SLC6A18: variants seen among roughly 807,000 people sequenced by gnomAD.
SLC6A18 encodes the protein solute carrier family 6 member 18.
Under a neutral mutation model 62.9 loss-of-function variants are expected in SLC6A18, and 58 were observed. That is an observed-to-expected ratio of 0.92 (90% confidence interval 0.75 to 1.15). The LOEUF is 1.15. Ranked by LOEUF, SLC6A18 falls within the 50% of genes most tolerant of loss-of-function variation. The probability of loss-of-function intolerance (pLI) is 0.00; values close to 1 mark genes in which losing one functional copy is unlikely to be tolerated. For synonymous variants in SLC6A18, 382 were observed against 365.8 expected (o/e 1.04, Z -0.51); for missense variants, 793 against 836.6 (o/e 0.95, Z 0.64).
intron 6 of SLC6A18, 112 bp downstream of exon 6, chr5:1,239,674 G>A: frequency 1.2e-6 from 1 of 810,726 alleles, no homozygotes. Context: ...GTGAACCTGA[G>A]ATAAGAACCT....
chr5:1,231,144 C>T (rs1416754702), intron 1 of SLC6A18, among the ~76,000 whole-genome samples: 1 of 152,210 alleles, frequency 6.6e-6, no homozygotes, highest in Non-Finnish European at 1.5e-5. Context: ...GGTCTGTGGA[C>T]TCCACGGGAA....
At chr5:1,232,097 G>A in intron 1 of SLC6A18, 122 bp from the exon 2 acceptor site, 1 of 845,452 alleles carries the variant, frequency 1.2e-6, no homozygotes, top group Non-Finnish European at 1.9e-6. Context: ...CCACCCAAGT[G>A]GTGCCCCCAA....
Position 1,232,369 on chromosome 5 carries a change from C to T in SLC6A18, c.301+10C>T, listed in dbSNP as rs545084177. ...TACCTCAGTGGAGTAGGTAGGCCAC[C>T]GTCCTCGCTTGCCCTGACTGAGGCT... is the stretch of plus-strand genomic sequence containing the variant. On this transcript the variant is annotated intron_variant, in intron 2 of 11. Transcript: ENST00000324642. 16 of 1,606,604 alleles carry T rather than the reference C, an allele frequency of 1.0e-5. No individual in the cohort carries two copies. Among genetic ancestry groups the T allele is most frequent in the East Asian group, 6.7e-5 (3 of 44,722 alleles).
intron 11 of SLC6A18, 123 bp downstream of exon 11, chr5:1,244,890 G>A (rs1747179427): frequency 8.3e-7 from 1 of 1,209,976 alleles, no homozygotes; most frequent in Non-Finnish European, 1.1e-6. Context: ...TGACAAGGTG[G>A]CGTGGTCACT....
chr5:1,245,165 G>A (rs1463285016), intron 11 of SLC6A18, among the ~76,000 whole-genome samples: 1 of 152,190 alleles, frequency 6.6e-6, no homozygotes, highest in Non-Finnish European at 1.5e-5. Flanking sequence ...TTCCTGGTCT[G>A]TGACAAGAGA....
Position 1,237,937 on chromosome 5 carries a change from C to A in SLC6A18, c.622-13C>A. ...GCCATTTCAAGTCTCATGACTCCAC[C>A]TTTTGTTTCAAGGTGATTTACTTCA... On this transcript the variant is annotated splice_polypyrimidine_tract_variant and intron_variant, in intron 4 of 11. Coordinates refer to ENST00000324642, the MANE Select transcript of SLC6A18 (RefSeq NM_182632.3). 6.2e-6 allele frequency: 10 copies of A among 1,608,992 alleles called. No individual in the cohort carries two copies. The highest frequency in any genetic ancestry group is 8.5e-6 in the Non-Finnish European group (10 of 1,175,308).
At chr5:1,233,805 T>G (rs547701049) in intron 3 of SLC6A18, among the ~76,000 whole-genome samples, 36 of 150,818 alleles carry the variant, frequency 2.4e-4, no homozygotes, top group East Asian at 1.4e-3. Flanking sequence ...GCAGTGGTGC[T>G]ATCTTGGCTC....
rs1429017937 is a variant in SLC6A18 at position 1,241,321 on chromosome 5, T to C, written c.974+662T>C. 6.6e-6 allele frequency among the ~76,000 whole-genome samples: 1 copy of C among 152,164 alleles called. No individual in the cohort carries two copies. Among genetic ancestry groups the C allele is most frequent in the Non-Finnish European group, 1.5e-5 (1 of 68,006 alleles). On this transcript the variant is annotated intron_variant, in intron 7 of 11. Transcript: ENST00000324642. This position sits in a 1 kb window ranked among gnomAD's most constrained non-coding sequence, Gnocchi z 7.8. ...GGGCAGACAGCACGTCCCTGCAACATGGGGTGACTCTGACCCCACCAGGGT... is the reference window on the plus strand; with the variant it reads ...GGGCAGACAGCACGTCCCTGCAACACGGGGTGACTCTGACCCCACCAGGGT...
intron 3 of SLC6A18, among the ~76,000 whole-genome samples, chr5:1,233,780 C>T (rs998183826): frequency 2.1e-4 from 30 of 141,482 alleles, no homozygotes; most frequent in East Asian, 3.9e-4. Flanking sequence ...CTTGCTCTGT[C>T]GCCCAGGCTG....
Position 1,241,880 on chromosome 5 carries a change from G to A in SLC6A18, c.975-827G>A, listed in dbSNP as rs1579533412. ...AGCCGTGCGCACAACGCCCTGCGCC[G>A]TGCAGCCCAAGCTGGCCTCGTGTGC... On this transcript the variant is annotated intron_variant, in intron 7 of 11. Coordinates refer to ENST00000324642, the MANE Select transcript of SLC6A18 (RefSeq NM_182632.3). This position sits in a 1 kb window ranked among gnomAD's most constrained non-coding sequence, Gnocchi z 7.8. 6.6e-6 allele frequency among the ~76,000 whole-genome samples: 1 copy of A among 152,244 alleles called. No individual in the cohort carries two copies. Among genetic ancestry groups the A allele is most frequent in the African/African-American group, 2.4e-5 (1 of 41,456 alleles).
At chr5:1,242,946 G>A in intron 8 of SLC6A18, 83 bp downstream of exon 8, 2 of 1,448,144 alleles carry the variant, frequency 1.4e-6, no homozygotes, top group East Asian at 2.3e-5. Context: ...CACTGCCAAA[G>A]GCTGCAAACA....
Position 1,239,556 on chromosome 5 carries a change from C to G in SLC6A18, c.839C>G (p.Ser280Trp). The part of the protein sequence containing the change: ...GGHIAFASYN[S>W]PRNDCQKDAV... ...CACATCGCTTTTGCAAGTTACAACT[C>G]GCCCAGGTAGGCAGTCGGGCTCAGC... The change falls in exon 6 of 12, where the codon TCG becomes TGG. Residue 280 changes from serine (S) to tryptophan (W), a missense_variant. Coordinates refer to ENST00000324642, the MANE Select transcript of SLC6A18 (RefSeq NM_182632.3). The G allele has an allele frequency of 1.2e-6, 2 of 1,613,472 alleles. No homozygotes were observed. Among genetic ancestry groups the G allele is most frequent in the Non-Finnish European group, 1.7e-6 (2 of 1,179,438 alleles).
intron 4 of SLC6A18, among the ~76,000 whole-genome samples, chr5:1,237,002 G>A (rs1377781042): frequency 1.3e-5 from 2 of 151,864 alleles, no homozygotes; most frequent in African/African-American, 4.8e-5. Context: ...GGGAGGCTAA[G>A]GTAGGTGGAT....
chr5:1,245,831 A>G lies in SLC6A18; in HGVS notation c.1657-17A>G, dbSNP rs778803601. On this transcript the variant is annotated splice_polypyrimidine_tract_variant and intron_variant, in intron 11 of 11. Coordinates refer to ENST00000324642, the MANE Select transcript of SLC6A18 (RefSeq NM_182632.3). ...CCAGGGTGGCCGGCGCCAGCTAATG[A>G]GGCTGTGGTCCCGCAGGAGCTGTTC... The G allele has an allele frequency of 6.3e-7, 1 of 1,596,586 alleles. No homozygotes were observed.
chr5:1,244,693 C>T lies in SLC6A18; in HGVS notation c.1582C>T (p.Leu528=), dbSNP rs1747170491. 1 of 1,613,346 alleles carries T rather than the reference C, an allele frequency of 6.2e-7. No homozygotes were observed. Residue 528 remains leucine, a synonymous_variant, in exon 11 of 12, where the codon CTG becomes TTG. Transcript: ENST00000324642. ...LTWRVVSPLL[L]TIFVAYIILL... ...CTGGAGGGTGGTCAGTCCCCTGCTG[C>T]TGACCATCTTTGTGGCTTACATCAT...
chr5:1,236,897 G>A (rs1283585432), intron 4 of SLC6A18, among the ~76,000 whole-genome samples: 1 of 152,038 alleles, frequency 6.6e-6, no homozygotes, highest in African/African-American at 2.4e-5. Context: ...AGACAAAGCA[G>A]CCAGCCAGAA....
In SLC6A18 at chr5:1,243,123, G is replaced by A. The variant is rs945968353; in HGVS notation, c.1131+260G>A. Among the ~76,000 whole-genome samples, 1 of 152,206 alleles carries A rather than the reference G, an allele frequency of 6.6e-6. No homozygotes were observed. On this transcript the variant is annotated intron_variant, in intron 8 of 11. Transcript: ENST00000324642. This position sits in a 1 kb window ranked among gnomAD's most constrained non-coding sequence, Gnocchi z 6.5. ...GGGCTGACCCGAGAGAGTGGGCATTGCTGGTGCCCAGACCCCAGGAGAGGG... is the reference window on the plus strand; with the variant it reads ...GGGCTGACCCGAGAGAGTGGGCATTACTGGTGCCCAGACCCCAGGAGAGGG...
chr5:1,238,154 GC>G, intron 5 of SLC6A18, 94 bp downstream of exon 5: 2 of 987,528 alleles, frequency 2.0e-6, no homozygotes, highest in Non-Finnish European at 3.1e-6. Context: ...AGCGTGAGAG[GC>G]CAGGAGCCAC....
chr5:1,225,432 GA>G lies in SLC6A18; in HGVS notation c.-45del, dbSNP rs1338902553. ...AGACGGCTCTCTAGTGCTGGGTGTG[GA>G]GTGAGGCACCACCCTTGCCCTGAAG... is the stretch of plus-strand genomic sequence containing the variant. On this transcript the variant is annotated 5_prime_UTR_variant, in exon 1 of 12. Transcript: ENST00000324642. 2 of 1,571,528 alleles carry G rather than the reference GA, an allele frequency of 1.3e-6. No individual in the cohort carries two copies. The highest frequency in any genetic ancestry group is 3.7e-5 in the Admixed American group (2 of 54,620).
Sources: allele counts gnomAD v4.1 joint callset (sites outside exome capture counted in the v4.1 genomes callset), GRCh38; gene constraint gnomAD v4.1.1; non-coding constraint Gnocchi (gnomAD v3.1); transcripts MANE v1.5; gene names NCBI Gene and HGNC (gene_info 2026-07-23, HGNC 2026-07-21).